The following KIAA0825 variants were observed in gnomAD, a reference collection of about 807,000 sequenced individuals.
The protein encoded by KIAA0825 is KIAA0825.
KIAA0825 carries 119 observed loss-of-function variants against 147.6 expected under a neutral mutation model. That is an observed-to-expected ratio of 0.81 (90% CI 0.69 to 0.94). The LOEUF is 0.94. Among genes scored for constraint, KIAA0825 ranks in the 40% least tolerant of loss-of-function variants. The probability of loss-of-function intolerance (pLI) is 0.00; values close to 1 mark genes in which losing one functional copy is unlikely to be tolerated. For missense variants in KIAA0825, 1,381 were observed against 1,472.7 expected (o/e 0.94, Z 1.02); for synonymous variants, 470 against 518.1 (o/e 0.91, Z 1.26).
At chr5:94,213,841 T>C (rs1772966911) in intron 20 of KIAA0825, among the ~76,000 whole-genome samples, 1 of 152,162 alleles carries the variant, frequency 6.6e-6, no homozygotes, top group Admixed American at 6.6e-5. Flanking sequence ...GTGCCCTTTC[T>C]CTTGTTCCAG....
chr5:94,253,721 A>C (rs1486654381), intron 20 of KIAA0825, among the ~76,000 whole-genome samples: 1 of 152,146 alleles, frequency 6.6e-6, no homozygotes, highest in Non-Finnish European at 1.5e-5. Context: ...TAGCATGTAC[A>C]TTAACCTTGC....
In KIAA0825 at chr5:94,521,039, T is replaced by C. The variant is rs144207382; in HGVS notation, c.301-122A>G. On this transcript the variant is annotated intron_variant, in intron 4 of 20. Coordinates refer to ENST00000682413, the MANE Select transcript of KIAA0825 (RefSeq NM_001145678.3). ...AATACTCTAAAATTCCTTAAGATTTTATTTTTTTGCATTTGAAATTTAATC... is the reference window on the plus strand; with the variant it reads ...AATACTCTAAAATTCCTTAAGATTTCATTTTTTTGCATTTGAAATTTAATC... The C allele has an allele frequency of 1.3e-3, 1,130 of 886,700 alleles. 11 individuals are homozygous for C. The East Asian group carries it at 0.013, about 10-fold the overall frequency. The allele number at this position is 886,700 out of a possible 1,614,324, so 54.9% of individuals were successfully genotyped here. A position where few individuals can be genotyped will look rare whatever the true frequency, so the allele number is the denominator to read the frequency against.
At chr5:94,421,642 A>G (rs534188824) in intron 14 of KIAA0825, among the ~76,000 whole-genome samples, 63 of 152,228 alleles carry the variant, frequency 4.1e-4, no homozygotes, top group Admixed American at 5.9e-4. Context: ...TGATTCTAAC[A>G]CTATTAATAT....
At chr5:94,318,913 C>T (rs1054540303) in intron 20 of KIAA0825, among the ~76,000 whole-genome samples, 5 of 151,772 alleles carry the variant, frequency 3.3e-5, no homozygotes, top group African/African-American at 1.2e-4. Context: ...AATACTACCC[C>T]TCCTTGTCCC....
chr5:94,417,127 A>T lies in KIAA0825; in HGVS notation c.2662+74T>A, dbSNP rs1307524979. 3 of 1,383,902 alleles carry T rather than the reference A, an allele frequency of 2.2e-6. No homozygotes were observed. In the Admixed American group the frequency reaches 6.0e-5, roughly 28 times the overall value. The allele number at this position is 1,383,902 out of a possible 1,614,324, so 85.7% of individuals were successfully genotyped here. On this transcript the variant is annotated intron_variant, in intron 15 of 20. Transcript: ENST00000682413. ...ATTCAGCAAAACCAGTATCAATACA[A>T]CTTCTAAACATCTTTAAAGGTACAT...
At position 94,440,067 on chromosome 5, in the gene KIAA0825, G is replaced by A. The variant is rs1231237218; in HGVS notation, c.2412C>T (p.Ser804=). 1.9e-6 allele frequency: 3 copies of A among 1,551,448 alleles called. No individual in the cohort carries two copies. The highest frequency in any genetic ancestry group is 1.2e-5 in the South Asian group (1 of 84,058). ...GCAAGTTCCAGTTACAACGTGGCTG[G>A]GATAAGAGCAGTTTCAACTGACCCT... is the stretch of plus-strand genomic sequence containing the variant. ...KAEGQLKLLL[S]QPRCNWNLLL... is the part of the protein sequence containing the mutation. Residue 804 remains serine (S), a synonymous_variant, in exon 14 of 21, where the codon TCC becomes TCT. Transcript: ENST00000682413.
chr5:94,560,665 G>A, intron 2 of KIAA0825, among the ~76,000 whole-genome samples: 1 of 152,166 alleles, frequency 6.6e-6, no homozygotes. Flanking sequence ...TGGTCACCAA[G>A]TTCTTGGATA....
rs1426833158 is a variant in KIAA0825 at position 94,363,851 on chromosome 5, G to C, written c.3710+20517C>G. On this transcript the variant is annotated intron_variant, in intron 20 of 20. Coordinates refer to ENST00000682413, the MANE Select transcript of KIAA0825 (RefSeq NM_001145678.3). ...CTACTACTCTCCAGCCAGGGTGACA[G>C]AGCAAGATTTATCTCTAAAAAAAAA... is the stretch of plus-strand genomic sequence containing the variant. Among the ~76,000 whole-genome samples the C allele has an allele frequency of 2.0e-5, 3 of 151,982 alleles. No homozygotes were observed. In the East Asian group the frequency reaches 5.8e-4, roughly 29 times the overall value.
At chr5:94,396,627 G>A (rs1231256061) in intron 16 of KIAA0825, 118 bp from the exon 17 acceptor site, 2 of 753,202 alleles carry the variant, frequency 2.7e-6, no homozygotes, top group East Asian at 6.1e-5. Context: ...AAGATCAAGT[G>A]CCTGACATAT....
In KIAA0825 at chr5:94,461,560, G is replaced by A. The variant is rs1379921978; in HGVS notation, c.2246+827C>T. On this transcript the variant is annotated intron_variant, in intron 12 of 20. Coordinates refer to ENST00000682413, the MANE Select transcript of KIAA0825 (RefSeq NM_001145678.3). ...TAGAAGGAACATTCTGTAAACAATGGGTTTATTGAAAGTCAGAGTAGGTGA... is the reference window on the plus strand; with the variant it reads ...TAGAAGGAACATTCTGTAAACAATGAGTTTATTGAAAGTCAGAGTAGGTGA... Among the ~76,000 whole-genome samples, 4 of 151,890 alleles carry A rather than the reference G, an allele frequency of 2.6e-5. No individual in the cohort carries two copies. The East Asian group carries it at 5.8e-4, about 22-fold the overall frequency.
intron 14 of KIAA0825, among the ~76,000 whole-genome samples, chr5:94,430,436 T>C (rs2150783724): frequency 6.6e-6 from 1 of 152,370 alleles, no homozygotes; most frequent in South Asian, 2.1e-4. Flanking sequence ...GTTTTTATTT[T>C]AGAATTCATT....
At chr5:94,206,165 G>A (rs998218593) in intron 20 of KIAA0825, among the ~76,000 whole-genome samples, 30 of 151,816 alleles carry the variant, frequency 2.0e-4, no homozygotes, top group African/African-American at 6.3e-4. Flanking sequence ...ACTTTGTTTT[G>A]AAGAGCATAT....
chr5:94,215,413 C>A (rs1773105568), intron 20 of KIAA0825, among the ~76,000 whole-genome samples: 1 of 152,044 alleles, frequency 6.6e-6, no homozygotes. Context: ...AGGGATTCAA[C>A]AGAACAAAGA....
chr5:94,597,457 T>C (rs569334303), intron 1 of KIAA0825, among the ~76,000 whole-genome samples: 88 of 152,276 alleles, frequency 5.8e-4, no homozygotes, highest in African/African-American at 1.4e-3. Context: ...TAAGAAAATA[T>C]ATTTTACTGA....
chr5:94,421,665 C>A (rs557601700), intron 14 of KIAA0825, among the ~76,000 whole-genome samples: 3 of 152,210 alleles, frequency 2.0e-5, no homozygotes, highest in Non-Finnish European at 2.9e-5. Flanking sequence ...TTTAGGTTTT[C>A]TTTTCCTCTT....
chr5:94,306,601 C>A (rs1778753241), intron 20 of KIAA0825, among the ~76,000 whole-genome samples: 1 of 151,712 alleles, frequency 6.6e-6, no homozygotes, highest in Non-Finnish European at 1.5e-5. Flanking sequence ...GTACTAAGCC[C>A]TCAGTTAAAC....
At chr5:94,439,889 C>T (rs1483613575) in intron 14 of KIAA0825, 93 bp downstream of exon 14, 1 of 1,312,336 alleles carries the variant, frequency 7.6e-7, no homozygotes, top group East Asian at 2.6e-5. Context: ...TGGTTTACAT[C>T]TTTCTTCCAA....
intron 2 of KIAA0825, among the ~76,000 whole-genome samples, chr5:94,555,479 T>TCGTA (rs1776370964): frequency 6.6e-6 from 1 of 152,198 alleles, no homozygotes; most frequent in Non-Finnish European, 1.5e-5. Context: ...ATTAATATAC[T>TCGTA]ATGACTATTA....
chr5:94,495,316 C>T (rs1483952396), intron 5 of KIAA0825, among the ~76,000 whole-genome samples: 2 of 152,174 alleles, frequency 1.3e-5, no homozygotes, highest in Non-Finnish European at 2.9e-5. Flanking sequence ...CCTTCCTCTC[C>T]TAAACAATAG....
Sources: gnomAD v4.1 joint callset for allele counts (sites outside exome capture counted in the v4.1 genomes callset) on GRCh38, gnomAD v4.1.1 for gene constraint, MANE v1.5 for transcripts, NCBI Gene and HGNC (gene_info 2026-07-23, HGNC 2026-07-21) for gene names.